The following DNAH5 variants were observed in gnomAD, a reference collection of about 807,000 sequenced individuals.
DNAH5 encodes the protein axonemal beta dynein heavy chain 5.
Under a neutral mutation model 518.2 loss-of-function variants are expected in DNAH5, and 372 were observed. The observed-to-expected ratio is 0.72, with a 90% CI of 0.66 to 0.78. The LOEUF (loss-of-function observed/expected upper bound fraction) is 0.78, where lower values mean the gene tolerates loss of function less well. Among genes scored for constraint, DNAH5 ranks in the 30% least tolerant of loss-of-function variants. The pLI, the probability that DNAH5 is intolerant of heterozygous loss-of-function variation, is 0.00. For missense variants in DNAH5, 5,523 were observed against 5,687.0 expected (o/e 0.97, Z 0.93); for synonymous variants, 2,039 against 2,025.9 (o/e 1.01, Z -0.17).
rs111572803 is a variant in DNAH5 at position 13,832,153 on chromosome 5, GA to G, written c.5883-1379del. On this transcript the variant is annotated intron_variant, in intron 35 of 78. Transcript: ENST00000265104. ...CCCCTGAACTTAAAAATTAAAAACTGAAAAAAAAAGATTAAATAAAATACCA... is the reference window on the plus strand; with the variant it reads ...CCCCTGAACTTAAAAATTAAAAACTGAAAAAAAAGATTAAATAAAATACCA... Among the ~76,000 whole-genome samples the G allele has an allele frequency of 8.6e-3, 1,289 of 149,980 alleles. 18 individuals carry two copies. The highest frequency in any genetic ancestry group is 0.03 in the African/African-American group (1,210 of 40,988).
chr5:13,901,353 G>A lies in DNAH5; in HGVS notation c.1951C>T (p.Leu651=), dbSNP rs1445955378. ...MQLFQQHPAV[L]STAEAKPIIR... Reference sequence around the variant, plus strand: ...ATAGGTTTGGCTTCTGCCGTGCTTAGCACAGCTGGGTGCTGCTGGAAAAGC... The same window carrying A: ...ATAGGTTTGGCTTCTGCCGTGCTTAACACAGCTGGGTGCTGCTGGAAAAGC... Residue 651 remains leucine (L), a synonymous_variant, in exon 14 of 79, where the codon CTA becomes TTA. Transcript: ENST00000265104. The A allele has an allele frequency of 6.2e-7, 1 of 1,614,170 alleles. No individual in the cohort carries two copies. Among genetic ancestry groups the A allele is most frequent in the East Asian group, 2.2e-5 (1 of 44,862 alleles).
chr5:13,705,983 C>G (rs1742733536), intron 76 of DNAH5, among the ~76,000 whole-genome samples: 1 of 152,172 alleles, frequency 6.6e-6, no homozygotes, highest in Non-Finnish European at 1.5e-5. Flanking sequence ...TTTGGACTTG[C>G]CACCTCCAGA....
chr5:13,789,148 T>C (rs1259994945), intron 50 of DNAH5, among the ~76,000 whole-genome samples: 2 of 152,170 alleles, frequency 1.3e-5, no homozygotes, highest in Non-Finnish European at 2.9e-5. Flanking sequence ...CCTCCAACAA[T>C]AATATTGAAA....
chr5:13,850,894 G>C (rs760671509), intron 30 of DNAH5, 79 bp from the exon 31 acceptor site: 2 of 1,447,470 alleles, frequency 1.4e-6, no homozygotes, highest in African/African-American at 1.4e-5. Flanking sequence ...CATTCCTCCA[G>C]CTGAGGCTAG....
chr5:13,735,140 G>C lies in DNAH5; in HGVS notation c.11752C>G (p.Leu3918Val). ...NRVKHEEFLTLIKGGASLDLK... is the reference protein window; with the variant it reads ...NRVKHEEFLTVIKGGASLDLK... ...CTATTCTTATATTGACCTTTAATAA[G>C]AGTGAGAAACTCTTCATGCTTGACT... Residue 3918 changes from leucine (L) to valine (V), a missense_variant, in exon 68 of 79, where the codon CTT (leucine) becomes GTT (valine). Leu to Val is a conservative substitution (Grantham distance 32). Transcript: ENST00000265104. 6.2e-7 allele frequency: 1 copy of C among 1,613,976 alleles called. No homozygotes were observed. Among genetic ancestry groups the C allele is most frequent in the South Asian group, 1.1e-5 (1 of 91,070 alleles).
At chr5:13,808,922 T>A in intron 46 of DNAH5, 122 bp downstream of exon 46, 1 of 1,222,586 alleles carries the variant, frequency 8.2e-7, no homozygotes, top group Non-Finnish European at 1.2e-6. Flanking sequence ...ATCGCGCCAC[T>A]GCACTCCAGC....
intron 30 of DNAH5, among the ~76,000 whole-genome samples, chr5:13,856,768 T>C (rs1318893187): frequency 6.6e-6 from 1 of 152,188 alleles, no homozygotes; most frequent in Non-Finnish European, 1.5e-5. Context: ...AACCACATGA[T>C]TATCTCAATA....
chr5:14,009,123 C>T (rs534228929), intron 1 of DNAH5, among the ~76,000 whole-genome samples: 2 of 152,236 alleles, frequency 1.3e-5, no homozygotes, highest in African/African-American at 4.8e-5. Context: ...TTGCTCAACT[C>T]TTTTTTTGTC....
Position 13,786,197 on chromosome 5 carries a change from G to A in DNAH5, c.8802C>T (p.Ala2934=). Residue 2934 remains alanine, a synonymous_variant, in exon 52 of 79, where the codon GCC becomes GCT. Coordinates refer to ENST00000265104, the MANE Select transcript of DNAH5 (RefSeq NM_001369.3). ...AGMDMVFFAD[A]MVHLVKISRV... ...ACTGTACCTTGACTAAGTGAACCAT[G>A]GCATCTGCAAAGAACACCATGTCCA... 1 of 1,613,946 alleles carries A rather than the reference G, an allele frequency of 6.2e-7. No individual in the cohort carries two copies. Among genetic ancestry groups the A allele is most frequent in the Non-Finnish European group, 8.5e-7 (1 of 1,179,946 alleles).
intron 1 of DNAH5, among the ~76,000 whole-genome samples, chr5:13,957,266 C>T (rs961235032): frequency 6.6e-6 from 1 of 152,196 alleles, no homozygotes; most frequent in African/African-American, 2.4e-5. Context: ...AGCTGCCATC[C>T]AGTGGCTGAA....
chr5:13,967,052 G>C, intron 1 of DNAH5, among the ~76,000 whole-genome samples: 1 of 152,034 alleles, frequency 6.6e-6, no homozygotes, highest in East Asian at 1.9e-4. Context: ...AGTAGAGATA[G>C]GGTTTTGCCA....
At chr5:13,934,661 T>C (rs2152014861) in intron 1 of DNAH5, among the ~76,000 whole-genome samples, 2 of 152,200 alleles carry the variant, frequency 1.3e-5, no homozygotes, top group Middle Eastern at 6.8e-3. Flanking sequence ...TACAGAAAAG[T>C]AAAGATGAAA....
rs1754121521 is a variant in DNAH5 at position 13,776,597 on chromosome 5, T to G, written c.9215A>C (p.Asp3072Ala). The G allele has an allele frequency of 3.1e-6, 5 of 1,613,858 alleles. No individual in the cohort carries two copies. Among genetic ancestry groups the G allele is most frequent in the Non-Finnish European group, 4.2e-6 (5 of 1,179,882 alleles). ...RCLPTNENLH[D>A]YFMSRVRQNL... Reference sequence around the variant, plus strand: ...CTGTCGGACCCGACTCATGAAGTAGTCGTGCAGGTTCTCATTGGTAGGAAG... The same window carrying G: ...CTGTCGGACCCGACTCATGAAGTAGGCGTGCAGGTTCTCATTGGTAGGAAG... The change falls in exon 55 of 79, where the codon GAC (aspartate) becomes GCC (alanine). Residue 3072 changes from aspartate to alanine, a missense_variant. By Grantham distance (126) the Asp-to-Ala change is moderately radical. Coordinates refer to ENST00000265104, the MANE Select transcript of DNAH5 (RefSeq NM_001369.3).
chr5:13,990,668 G>C (rs142085697), intron 1 of DNAH5, among the ~76,000 whole-genome samples: 3,440 of 152,198 alleles, frequency 0.023, 130 homozygotes, highest in African/African-American at 0.078. Flanking sequence ...AAGAGTTCGA[G>C]ACCAGCCTGG....
rs1274489051 is a variant in DNAH5 at position 13,867,843 on chromosome 5, C to T, written c.3984G>A (p.Lys1328=). The T allele has an allele frequency of 1.9e-6, 3 of 1,614,098 alleles. No homozygotes were observed. Among genetic ancestry groups the T allele is most frequent in the Non-Finnish European group, 2.5e-6 (3 of 1,179,992 alleles). The stretch of plus-strand genomic sequence containing the variant: ...CCTCCACAGCACTAATAAGCTCTTT[C>T]TTGAAACTGGGCTGCAGTGAGACTA... ...NKLVSLQPSF[K]KELISAVEVF... is the part of the protein sequence containing the mutation. The change falls in exon 25 of 79, where the codon AAG becomes AAA. Residue 1328 remains lysine, a synonymous_variant. Transcript: ENST00000265104.
intron 16 of DNAH5, among the ~76,000 whole-genome samples, chr5:13,891,530 G>A (rs991235160): frequency 1.3e-5 from 2 of 152,032 alleles, no homozygotes; most frequent in East Asian, 1.9e-4. Flanking sequence ...TTAAAGATCC[G>A]GCTCAAGTGC....
chr5:13,801,930 A>G (rs538897266), intron 47 of DNAH5, among the ~76,000 whole-genome samples: 40 of 152,230 alleles, frequency 2.6e-4, no homozygotes, highest in African/African-American at 8.9e-4. Flanking sequence ...CCTTATTTAT[A>G]TATTTCTAGA....
At position 13,920,462 on chromosome 5, in the gene DNAH5, T is replaced by G. The variant is rs745331986; in HGVS notation, c.798+18A>C. 8 of 1,613,930 alleles carry G rather than the reference T, an allele frequency of 5.0e-6. No individual in the cohort carries two copies. In the East Asian group the frequency reaches 1.6e-4, roughly 31 times the overall value. On this transcript the variant is annotated intron_variant, in intron 6 of 78. Transcript: ENST00000265104. Reference sequence around the variant, plus strand: ...GTAATGTGGCACCTGAAATTGATGTTTGGTTTCTCAAAATTACCTGTTCTG... The same window carrying G: ...GTAATGTGGCACCTGAAATTGATGTGTGGTTTCTCAAAATTACCTGTTCTG...
chr5:13,707,084 T>C lies in DNAH5; in HGVS notation c.13338+1039A>G, dbSNP rs1487142162. On this transcript the variant is annotated intron_variant, in intron 76 of 78. Transcript: ENST00000265104. The surrounding 1 kb of genome is among the most constrained non-coding windows in gnomAD (Gnocchi z 4.0). ...GCGGGCACACACACAAGTGGCTGGATGTTGAGAGGAGTAGAAGCGCAGAAG... is the reference window on the plus strand; with the variant it reads ...GCGGGCACACACACAAGTGGCTGGACGTTGAGAGGAGTAGAAGCGCAGAAG... Among the ~76,000 whole-genome samples, 1 of 152,084 alleles carries C rather than the reference T, an allele frequency of 6.6e-6. No individual in the cohort carries two copies. The highest frequency in any genetic ancestry group is 1.5e-5 in the Non-Finnish European group (1 of 68,010).
Sources: allele counts gnomAD v4.1 joint callset (sites outside exome capture counted in the v4.1 genomes callset), GRCh38; gene constraint gnomAD v4.1.1; non-coding constraint Gnocchi (gnomAD v3.1); transcripts MANE v1.5; gene names NCBI Gene and HGNC (gene_info 2026-07-23, HGNC 2026-07-21).